Variants in CRACD observed in about 807,000 individuals in gnomAD.
The protein encoded by CRACD is capping protein-inhibiting regulator of actin dynamics.
A neutral mutation model predicts 106.8 loss-of-function variants in CRACD; 56 were observed. The observed-to-expected ratio is 0.52, with a 90% CI of 0.42 to 0.66. The LOEUF (loss-of-function observed/expected upper bound fraction) is 0.66. Among genes scored for constraint, CRACD ranks in the 30% least tolerant of loss-of-function variants. The probability of loss-of-function intolerance (pLI) is 0.00; values close to 1 mark genes in which losing one functional copy is unlikely to be tolerated. For synonymous variants in CRACD, 754 were observed against 670.8 expected (o/e 1.12, Z -1.92); for missense variants, 1,730 against 1,623.2 (o/e 1.07, Z -1.13).
At chr4:56,283,203 A>G (rs549140110) in intron 3 of CRACD, among the ~76,000 whole-genome samples, 8 of 152,170 alleles carry the variant, frequency 5.3e-5, no homozygotes, top group Non-Finnish European at 1.0e-4. Flanking sequence ...GCAGCAGCAC[A>G]TGCCACCAAG....
intron 1 of CRACD, among the ~76,000 whole-genome samples, chr4:56,079,862 T>C (rs1732964542): frequency 6.6e-6 from 1 of 152,160 alleles, no homozygotes; most frequent in Non-Finnish European, 1.5e-5. Flanking sequence ...CAAGTGTAGG[T>C]TTACCATTGG....
At chr4:56,156,634 A>G (rs1226532060) in intron 1 of CRACD, among the ~76,000 whole-genome samples, 1 of 152,134 alleles carries the variant, frequency 6.6e-6, no homozygotes, top group Non-Finnish European at 1.5e-5. Context: ...TCCTCTCTTC[A>G]TTCATTCAAC....
intron 3 of CRACD, among the ~76,000 whole-genome samples, chr4:56,293,981 C>T (rs905757623): frequency 6.6e-6 from 1 of 152,094 alleles, no homozygotes; most frequent in African/African-American, 2.4e-5. Flanking sequence ...AATTCCAGCA[C>T]TTTGGGAGGC....
At chr4:56,203,484 C>T (rs1737978576) in intron 2 of CRACD, among the ~76,000 whole-genome samples, 1 of 152,166 alleles carries the variant, frequency 6.6e-6, no homozygotes, top group African/African-American at 2.4e-5. Flanking sequence ...CATCATCAGT[C>T]CATAGATTAC....
At chr4:56,049,379 G>C (rs991612370) in intron 1 of CRACD, 80 bp downstream of exon 1, 2 of 151,930 alleles carry the variant, frequency 1.3e-5, no homozygotes, top group Admixed American at 1.3e-4. Flanking sequence ...GCGCCCCTCC[G>C]GGCCGGGCCC....
chr4:56,087,909 G>A (rs548638944), intron 1 of CRACD, among the ~76,000 whole-genome samples: 86 of 151,900 alleles, frequency 5.7e-4, no homozygotes, highest in African/African-American at 2.0e-3. Context: ...CTACCATGTC[G>A]CTAATTCAGG....
chr4:56,224,452 G>A (rs1254504339), intron 2 of CRACD, among the ~76,000 whole-genome samples: 2 of 152,126 alleles, frequency 1.3e-5, no homozygotes, highest in Non-Finnish European at 2.9e-5. Flanking sequence ...TGTTTTAATA[G>A]TTTTTCAGGT....
chr4:56,278,135 T>C (rs1742784852), intron 3 of CRACD, among the ~76,000 whole-genome samples: 1 of 152,184 alleles, frequency 6.6e-6, no homozygotes, highest in Admixed American at 6.5e-5. Flanking sequence ...GCTGTCTTTT[T>C]TCCCCCAGAA....
At chr4:56,301,262 T>C in intron 4 of CRACD, 1 of 1,280,570 alleles carries the variant, frequency 7.8e-7, no homozygotes, top group South Asian at 1.3e-5. Context: ...GTCGTAGAAG[T>C]GATAGTAACT....
chr4:56,134,956 A>G (rs1734950718), intron 1 of CRACD, among the ~76,000 whole-genome samples: 1 of 151,926 alleles, frequency 6.6e-6, no homozygotes, highest in Admixed American at 6.6e-5. Flanking sequence ...TCCCCTAAAT[A>G]GCAGGTAGTG....
intron 2 of CRACD, among the ~76,000 whole-genome samples, chr4:56,236,533 A>T (rs1410566494): frequency 6.6e-6 from 1 of 152,178 alleles, no homozygotes; most frequent in Non-Finnish European, 1.5e-5. Flanking sequence ...GTCAGAAGAG[A>T]TGACAGCTTT....
chr4:56,055,697 G>A (rs949984889), intron 1 of CRACD, among the ~76,000 whole-genome samples: 6 of 152,102 alleles, frequency 3.9e-5, no homozygotes, highest in Non-Finnish European at 8.8e-5. Context: ...CTTTATTTAC[G>A]ATGCACCTGG....
At chr4:56,184,663 C>A (rs1737008048) in intron 2 of CRACD, among the ~76,000 whole-genome samples, 1 of 152,204 alleles carries the variant, frequency 6.6e-6, no homozygotes, top group Non-Finnish European at 1.5e-5. Flanking sequence ...CCAGGCAAAT[C>A]TGGGGTCATT....
intron 1 of CRACD, among the ~76,000 whole-genome samples, chr4:56,166,028 TA>T (rs960051878): frequency 5.3e-5 from 8 of 152,068 alleles, no homozygotes; most frequent in Non-Finnish European, 1.2e-4. Context: ...ACCTAACTAA[TA>T]AAAAAATGTT....
rs1020014860 is a variant in CRACD, at chr4:56,218,913, C to T, written c.-189+39483C>T. 5.9e-5 allele frequency among the ~76,000 whole-genome samples: 9 copies of T among 152,256 alleles called. No individual in the cohort carries two copies. The East Asian group carries it at 7.7e-4, about 13-fold the overall frequency. ...TTTTGGGCTATAACATAGAGCAATA[C>T]ATTTACCATCTTTCTTGCTATTTGG... On this transcript the variant is annotated intron_variant, in intron 2 of 10. Transcript: ENST00000682029.
chr4:56,145,955 G>A (rs58011587), intron 1 of CRACD, among the ~76,000 whole-genome samples: 9,571 of 151,930 alleles, frequency 0.063, 662 homozygotes, highest in East Asian at 0.38. Context: ...GGTTTATTTT[G>A]TTGTCCTTTT....
intron 1 of CRACD, chr4:56,097,276 A>C (rs1391201767): frequency 6.6e-6 from 1 of 152,436 alleles, no homozygotes; most frequent in Admixed American, 6.5e-5. Flanking sequence ...GGTACAAAAT[A>C]GTTTTCTGGG....
rs550713074 is a variant in CRACD at position 56,125,651 on chromosome 4, A to AAG, written c.-335-53632_-335-53631dup. Among the ~76,000 whole-genome samples, 180 of 152,076 alleles carry AAG rather than the reference A, an allele frequency of 1.2e-3. 1 individual carries two copies. The highest frequency in any genetic ancestry group is 4.1e-3 in the African/African-American group (170 of 41,470). On this transcript the variant is annotated intron_variant, in intron 1 of 10. Coordinates refer to ENST00000682029, the MANE Select transcript of CRACD (RefSeq NM_001393381.1). Reference sequence around the variant, plus strand: ...AGGTTTGTCTTGCATTCTTAGCCTCAAGTGATCCTCCTGCCTTGGCCTCCC... The same window carrying AAG: ...AGGTTTGTCTTGCATTCTTAGCCTCAAGAGTGATCCTCCTGCCTTGGCCTCCC...
Position 56,222,094 on chromosome 4 carries a change from G to GT in CRACD, c.-189+42670dup, listed in dbSNP as rs1250787651. ...ATCAAAATGATGCCTGCACGCATAT[G>GT]TTTTTTGCAGCACAATTCACAGTTG... On this transcript the variant is annotated intron_variant, in intron 2 of 10. Coordinates refer to ENST00000682029, the MANE Select transcript of CRACD (RefSeq NM_001393381.1). Among the ~76,000 whole-genome samples the GT allele has an allele frequency of 2.6e-5, 4 of 152,300 alleles. 1 individual carries two copies. The East Asian group carries it at 7.7e-4, about 29-fold the overall frequency.
Sources: allele counts gnomAD v4.1 joint callset (sites outside exome capture counted in the v4.1 genomes callset), GRCh38; gene constraint gnomAD v4.1.1; transcripts MANE v1.5; gene names NCBI Gene and HGNC (gene_info 2026-07-23, HGNC 2026-07-21).